The following INO80 variants were observed in gnomAD, a reference collection of about 807,000 sequenced individuals.
INO80 encodes the protein INO80 complex ATPase subunit.
A neutral mutation model predicts 203.4 loss-of-function variants in INO80; 20 were observed. The ratio of observed to expected loss-of-function variants is 0.10; its 90% CI spans 0.07 to 0.14. The LOEUF is 0.14. INO80 is among the 10% of genes least tolerant of loss of function. INO80 has a pLI of 1.00. For synonymous variants in INO80, 726 were observed against 685.2 expected (o/e 1.06, Z -0.93); for missense variants, 1,419 against 1,914.4 (o/e 0.74, Z 4.83).
rs1413582533 is a variant in INO80 at position 41,056,682 on chromosome 15, C to A, written c.2010G>T (p.Gln670His). 3 of 1,613,914 alleles carry A rather than the reference C, an allele frequency of 1.9e-6. No homozygotes were observed. The highest frequency in any genetic ancestry group is 1.7e-5 in the Admixed American group (1 of 60,000). ...SSSVRWKILL[Q>H]FQCRNRLLLT... ...GCAAAAGCCGATTCCGACACTGGAA[C>A]TGTAAGAGGATCTTCCAACGAACAC... Residue 670 changes from glutamine to histidine, a missense_variant, in exon 17 of 36, where the codon CAG becomes CAT. Around this residue, in one of 9 missense-constraint regions of INO80, gnomAD observed 192 missense variants for 406.7 expected, o/e 0.47. Coordinates refer to ENST00000648947, the MANE Select transcript of INO80 (RefSeq NM_017553.3).
At chr15:41,113,888 A>T (rs1045893764) in intron 1 of INO80, among the ~76,000 whole-genome samples, 2 of 152,246 alleles carry the variant, frequency 1.3e-5, no homozygotes, top group Admixed American at 1.3e-4. Flanking sequence ...CAATTTACAG[A>T]CTTTCAAAAA....
At chr15:41,108,591 CAAAAAAA>C (rs61591905) in intron 1 of INO80, among the ~76,000 whole-genome samples, 2 of 53,204 alleles carry the variant, frequency 3.8e-5, no homozygotes, top group Non-Finnish European at 8.0e-5. Flanking sequence ...GACTCCGTCT[CAAAAAAA>C]AAAAAAAAAA....
At chr15:41,008,389 A>G (rs937394350) in intron 27 of INO80, among the ~76,000 whole-genome samples, 1 of 152,202 alleles carries the variant, frequency 6.6e-6, no homozygotes, top group Non-Finnish European at 1.5e-5. Flanking sequence ...GTTAAAACTC[A>G]TAAAAGTAGA....
At chr15:41,042,760 C>T (rs1426732702) in intron 24 of INO80, among the ~76,000 whole-genome samples, 1 of 152,210 alleles carries the variant, frequency 6.6e-6, no homozygotes, top group Non-Finnish European at 1.5e-5. Flanking sequence ...AGGTGTGAGC[C>T]ACCACGCCCG....
chr15:41,065,541 T>C (rs970020322), intron 14 of INO80, among the ~76,000 whole-genome samples: 2 of 151,854 alleles, frequency 1.3e-5, no homozygotes, highest in African/African-American at 4.8e-5. Flanking sequence ...CCAAAAGAAG[T>C]GAAAACAGTA....
intron 28 of INO80, among the ~76,000 whole-genome samples, chr15:41,002,132 A>G (rs2140433772): frequency 6.6e-6 from 1 of 152,342 alleles, no homozygotes; most frequent in African/African-American, 2.4e-5. Context: ...CATTTTGCCC[A>G]ATATTAGACA....
chr15:41,086,290 G>A (rs151188025), intron 6 of INO80, among the ~76,000 whole-genome samples: 32 of 152,184 alleles, frequency 2.1e-4, no homozygotes, highest in South Asian at 1.2e-3. Flanking sequence ...TGTGTGGAGG[G>A]TGAGAAAACA....
Position 41,074,568 on chromosome 15 carries a change from A to T in INO80, c.1132-3T>A. On this transcript the variant is annotated splice_polypyrimidine_tract_variant and splice_region_variant and intron_variant, in intron 9 of 35. Coordinates refer to ENST00000648947, the MANE Select transcript of INO80 (RefSeq NM_017553.3). The stretch of plus-strand genomic sequence containing the variant: ...AGTTTTCGCTGTTGCCTCTTGGCCT[A>T]AAGAGGGAAAAAAGTGAAAACAGAG... 6.3e-7 allele frequency: 1 copy of T among 1,591,904 alleles called. No individual in the cohort carries two copies. Among genetic ancestry groups the T allele is most frequent in the South Asian group, 1.1e-5 (1 of 87,648 alleles).
intron 24 of INO80, among the ~76,000 whole-genome samples, chr15:41,040,957 T>C (rs948549765): frequency 3.3e-5 from 5 of 152,172 alleles, no homozygotes; most frequent in African/African-American, 1.2e-4. Context: ...AAATGGCCAA[T>C]AAACACCAGA....
At position 41,095,576 on chromosome 15, in the gene INO80, G is replaced by A. The variant is rs1336899324; in HGVS notation, c.381+25C>T. ...GTAACTTTAGTAGACTATCTGCACT[G>A]TAAACACCCTGCTTTATCTCTTACC... On this transcript the variant is annotated intron_variant, in intron 4 of 35. Transcript: ENST00000648947. 12 of 1,563,304 alleles carry A rather than the reference G, an allele frequency of 7.7e-6. No individual in the cohort carries two copies. In the South Asian group the frequency reaches 1.3e-4, roughly 17 times the overall value.
chr15:41,083,154 G>A (rs1020234162), intron 7 of INO80, among the ~76,000 whole-genome samples: 5 of 151,376 alleles, frequency 3.3e-5, no homozygotes, highest in South Asian at 2.1e-4. Flanking sequence ...GTGTCGTGGC[G>A]GGTGCCTGTA....
At chr15:41,085,729 T>C in intron 6 of INO80, 146 bp from the exon 7 acceptor site, 2 of 631,746 alleles carry the variant, frequency 3.2e-6, no homozygotes, top group Non-Finnish European at 5.5e-6. Flanking sequence ...CCCATGAATA[T>C]TCCTTGAGGA....
intron 12 of INO80, among the ~76,000 whole-genome samples, chr15:41,070,898 G>T (rs1410118126): frequency 6.6e-6 from 1 of 152,254 alleles, no homozygotes; most frequent in Non-Finnish European, 1.5e-5. Flanking sequence ...TCAGCTGGGT[G>T]CAGTGGCTCA....
chr15:41,114,939 T>C (rs1046512199), intron 1 of INO80, among the ~76,000 whole-genome samples: 16 of 152,166 alleles, frequency 1.1e-4, no homozygotes, highest in African/African-American at 3.1e-4. Context: ...ATGAATTAAA[T>C]AGTGGTTGAT....
chr15:41,056,046 C>A (rs540501259), intron 17 of INO80, among the ~76,000 whole-genome samples: 22 of 148,926 alleles, frequency 1.5e-4, no homozygotes, highest in African/African-American at 5.4e-4. Context: ...AGGATTCAAG[C>A]AATCATCCCA....
chr15:41,055,379 A>G lies in INO80; in HGVS notation c.2071-15T>C. 1 of 1,539,316 alleles carries G rather than the reference A, an allele frequency of 6.5e-7. No homozygotes were observed. Among genetic ancestry groups the G allele is most frequent in the South Asian group, 1.1e-5 (1 of 88,848 alleles). ...AGAGCCCAAAGCTGTAAACAAAGACAAAAATGAAATAGCTATAGAGCAATA... is the reference window on the plus strand; with the variant it reads ...AGAGCCCAAAGCTGTAAACAAAGACGAAAATGAAATAGCTATAGAGCAATA... On this transcript the variant is annotated splice_polypyrimidine_tract_variant and intron_variant, in intron 17 of 35. Transcript: ENST00000648947.
chr15:41,049,438 G>T lies in INO80; in HGVS notation c.2443-18C>A. 3 of 1,612,634 alleles carry T rather than the reference G, an allele frequency of 1.9e-6. No homozygotes were observed. Among genetic ancestry groups the T allele is most frequent in the Non-Finnish European group, 2.5e-6 (3 of 1,179,014 alleles). ...TTACACACCTAAAAGGAAGGGAAAT[G>T]GTAAGACAATATTACCACATGCAGA... On this transcript the variant is annotated intron_variant, in intron 20 of 35. Transcript: ENST00000648947.
At chr15:41,115,704 G>A (rs1028006513) in intron 1 of INO80, among the ~76,000 whole-genome samples, 1 of 152,162 alleles carries the variant, frequency 6.6e-6, no homozygotes, top group Admixed American at 6.5e-5. Context: ...CCCACGTGTG[G>A]GCGCCCCACG....
chr15:40,984,696 A>G (rs1187976721), intron 32 of INO80, among the ~76,000 whole-genome samples: 1 of 151,992 alleles, frequency 6.6e-6, no homozygotes, highest in African/African-American at 2.4e-5. Context: ...TGGGGCAGTC[A>G]CACTGAACCA....
Sources: gnomAD v4.1 joint callset for allele counts (sites outside exome capture counted in the v4.1 genomes callset) on GRCh38, gnomAD v4.1.1 for gene constraint, gnomAD v4.1.1 regional missense constraint, MANE v1.5 for transcripts, NCBI Gene and HGNC (gene_info 2026-07-23, HGNC 2026-07-21) for gene names.